The following HCN1 variants were observed in gnomAD, a reference collection of about 807,000 sequenced individuals.
HCN1 encodes the protein hyperpolarization activated cyclic nucleotide gated potassium channel 1.
In HCN1, 13 loss-of-function variants were observed where a neutral mutation model predicts 78.9. The ratio of observed to expected loss-of-function variants is 0.16; its 90% CI spans 0.11 to 0.26. The LOEUF is 0.26. Ranked by LOEUF, HCN1 falls within the 10% of genes least tolerant of loss-of-function variation. The pLI, the probability that HCN1 is intolerant of heterozygous loss-of-function variation, is 1.00. For missense variants in HCN1, 810 were observed against 1,154.3 expected (o/e 0.70, Z 4.32); for synonymous variants, 552 against 455.5 (o/e 1.21, Z -2.70).
chr5:45,304,773 T>C (rs188430712), intron 5 of HCN1, among the ~76,000 whole-genome samples: 5 of 152,296 alleles, frequency 3.3e-5, no homozygotes, highest in Admixed American at 1.3e-4. Context: ...CTGCAAGTGA[T>C]GGGCTAGAGA....
chr5:45,296,126 C>T (rs1424566206), intron 6 of HCN1, among the ~76,000 whole-genome samples: 1 of 151,922 alleles, frequency 6.6e-6, no homozygotes, highest in African/African-American at 2.4e-5. Context: ...TGAATGGAAA[C>T]AAAATAGTAT....
chr5:45,613,571 C>T lies in HCN1; in HGVS notation c.849+31614G>A, dbSNP rs535083152. On this transcript the variant is annotated intron_variant, in intron 2 of 7. Transcript: ENST00000303230. ...GTCAGTGTGGCGATTCCTCAGGGAT[C>T]TAGAACTGGAAATACCATTTGACCC... 5.3e-5 allele frequency among the ~76,000 whole-genome samples: 8 copies of T among 151,866 alleles called. No homozygotes were observed. The South Asian group carries it at 1.7e-3, about 32-fold the overall frequency.
At chr5:45,495,990 G>C (rs1434582442) in intron 2 of HCN1, among the ~76,000 whole-genome samples, 3 of 152,132 alleles carry the variant, frequency 2.0e-5, no homozygotes, top group African/African-American at 7.2e-5. Flanking sequence ...ATGTGCTGCT[G>C]GATTCGGTTT....
intron 5 of HCN1, among the ~76,000 whole-genome samples, chr5:45,317,520 TA>T (rs1256912051): frequency 6.6e-6 from 1 of 152,080 alleles, no homozygotes; most frequent in African/African-American, 2.4e-5. Flanking sequence ...ACTTCATGAC[TA>T]AAACACCAAA....
Position 45,261,005 on chromosome 5 carries a change from A to G in HCN1, c.*916T>C, listed in dbSNP as rs989593649. On this transcript the variant is annotated 3_prime_UTR_variant, in exon 8 of 8. Transcript: ENST00000303230. ...AAGCAATTTGTAGATTCGAGCATAC[A>G]ATTTTGCATAAAACATTGCAGGTTA... 1 of 152,640 alleles carries G rather than the reference A, an allele frequency of 6.6e-6. No individual in the cohort carries two copies. Among genetic ancestry groups the G allele is most frequent in the African/African-American group, 2.4e-5 (1 of 41,466 alleles). The allele number at this position is 152,640 out of a possible 1,614,324, so 9.5% of individuals were successfully genotyped here.
At chr5:45,592,860 G>C (rs1744403110) in intron 2 of HCN1, among the ~76,000 whole-genome samples, 1 of 152,140 alleles carries the variant, frequency 6.6e-6, no homozygotes, top group Non-Finnish European at 1.5e-5. Flanking sequence ...GCAATGAAAA[G>C]TTATCTTATT....
intron 2 of HCN1, among the ~76,000 whole-genome samples, chr5:45,611,707 A>G (rs896188114): frequency 6.6e-6 from 1 of 152,166 alleles, no homozygotes; most frequent in Non-Finnish European, 1.5e-5. Flanking sequence ...AGATATTCAA[A>G]TATGATTCTT....
chr5:45,402,518 T>C (rs1739836446), intron 3 of HCN1, among the ~76,000 whole-genome samples: 2 of 152,114 alleles, frequency 1.3e-5, no homozygotes, highest in African/African-American at 4.8e-5. Context: ...AAATATTAGC[T>C]GTGGTGAGGC....
chr5:45,470,637 T>A (rs951871306), intron 2 of HCN1, among the ~76,000 whole-genome samples: 2 of 151,970 alleles, frequency 1.3e-5, no homozygotes, highest in African/African-American at 2.4e-5. Flanking sequence ...ATCTGAATTG[T>A]CGAAAGTTTA....
chr5:45,534,037 C>G (rs71616295), intron 2 of HCN1, among the ~76,000 whole-genome samples: 1 of 152,162 alleles, frequency 6.6e-6, no homozygotes. Flanking sequence ...AAATCCTGTT[C>G]TACTGAGCAT....
At chr5:45,498,669 T>C (rs1163739807) in intron 2 of HCN1, among the ~76,000 whole-genome samples, 1 of 152,174 alleles carries the variant, frequency 6.6e-6, no homozygotes, top group Non-Finnish European at 1.5e-5. Context: ...CTCTGCTTTT[T>C]AGAGTTTCCA....
chr5:45,595,689 C>A (rs1744476922), intron 2 of HCN1, among the ~76,000 whole-genome samples: 1 of 151,672 alleles, frequency 6.6e-6, no homozygotes, highest in Admixed American at 6.6e-5. Flanking sequence ...TGGCTCTTCC[C>A]CTTAAGGAGC....
At chr5:45,496,611 C>G (rs1742037290) in intron 2 of HCN1, among the ~76,000 whole-genome samples, 1 of 151,932 alleles carries the variant, frequency 6.6e-6, no homozygotes, top group Admixed American at 6.6e-5. Context: ...CTTTATTAGT[C>G]TTGCTAGCGG....
chr5:45,477,256 C>A (rs931408101), intron 2 of HCN1, among the ~76,000 whole-genome samples: 1 of 152,064 alleles, frequency 6.6e-6, no homozygotes, highest in African/African-American at 2.4e-5. Flanking sequence ...CTATGATTAT[C>A]TTAACAACAT....
At position 45,576,637 on chromosome 5, in the gene HCN1, A is replaced by G. The variant is rs921841916; in HGVS notation, c.849+68548T>C. 4.6e-5 allele frequency: 7 copies of G among 152,128 alleles called. No homozygotes were observed. In the Admixed American group the frequency reaches 4.6e-4, roughly 10 times the overall value. The allele number at this position is 152,128 out of a possible 1,614,324, so 9.4% of individuals were successfully genotyped here. A position where few individuals can be genotyped will look rare whatever the true frequency, so the allele number is the denominator to read the frequency against. ...GATGATCTTGTTAGCATACTTTAGC[A>G]ATAAAGCATTTTTTAATTAAAGTAT... is the stretch of plus-strand genomic sequence containing the variant. On this transcript the variant is annotated intron_variant, in intron 2 of 7. Coordinates refer to ENST00000303230, the MANE Select transcript of HCN1 (RefSeq NM_021072.4).
At chr5:45,600,991 T>C (rs551633619) in intron 2 of HCN1, among the ~76,000 whole-genome samples, 7 of 152,220 alleles carry the variant, frequency 4.6e-5, no homozygotes, top group South Asian at 2.1e-4. Flanking sequence ...TCCTATAGGA[T>C]TGAAATATAA....
At chr5:45,428,969 C>T (rs1366945678) in intron 3 of HCN1, among the ~76,000 whole-genome samples, 2 of 151,974 alleles carry the variant, frequency 1.3e-5, no homozygotes, top group Admixed American at 1.3e-4. Flanking sequence ...CTGGAAAATA[C>T]CTAGTACAAA....
intron 2 of HCN1, among the ~76,000 whole-genome samples, chr5:45,537,119 G>A (rs1579955616): frequency 6.6e-6 from 1 of 152,168 alleles, no homozygotes; most frequent in Non-Finnish European, 1.5e-5. Context: ...TGACAGCCCA[G>A]GCTGGTAATG....
chr5:45,486,808 T>C (rs2111688494), intron 2 of HCN1, among the ~76,000 whole-genome samples: 1 of 152,222 alleles, frequency 6.6e-6, no homozygotes, highest in East Asian at 1.9e-4. Flanking sequence ...CCTAAGTCTA[T>C]GTATGCAATT....
Sources: allele counts gnomAD v4.1 joint callset (sites outside exome capture counted in the v4.1 genomes callset), GRCh38; gene constraint gnomAD v4.1.1; transcripts MANE v1.5; gene names NCBI Gene and HGNC (gene_info 2026-07-23, HGNC 2026-07-21).